MAP3K9: variants seen among roughly 807,000 people sequenced by gnomAD.
MAP3K9 encodes mitogen-activated protein kinase kinase kinase 9.
A neutral mutation model predicts 95.8 loss-of-function variants in MAP3K9; 46 were observed. The observed-to-expected ratio is 0.48, with a 90% CI of 0.38 to 0.61. The LOEUF (loss-of-function observed/expected upper bound fraction) is 0.61. MAP3K9 is among the 20% of genes least tolerant of loss of function. The probability of loss-of-function intolerance (pLI) is 0.00; values close to 1 mark genes in which losing one functional copy is unlikely to be tolerated. For missense variants in MAP3K9, 1,296 were observed against 1,474.3 expected (o/e 0.88, Z 1.98); for synonymous variants, 533 against 593.8 (o/e 0.90, Z 1.49).
At chr14:70,777,013 CAG>C (rs1343521805) in intron 2 of MAP3K9, among the ~76,000 whole-genome samples, 2 of 151,454 alleles carry the variant, frequency 1.3e-5, no homozygotes, top group Non-Finnish European at 2.9e-5. Flanking sequence ...CTATTTTCAG[CAG>C]AGACAGGGTT....
rs2053806130 is a variant in MAP3K9 at position 70,725,334 on chromosome 14, C to T, written c.*5046G>A. ...GGAAATGGATGAGGAAGCGGGTGGA[C>T]ATGACTGTCAATATCTCATCAGGAC... On this transcript the variant is annotated 3_prime_UTR_variant, in exon 12 of 12. Transcript: ENST00000554752. 6.6e-6 allele frequency: 1 copy of T among 152,232 alleles called. No homozygotes were observed. 9.4% of individuals were successfully genotyped at this position (152,232 alleles called of 1,614,324 possible).
intron 2 of MAP3K9, among the ~76,000 whole-genome samples, chr14:70,798,430 A>ACCCC: frequency 3.1e-5 from 1 of 32,556 alleles, no homozygotes; most frequent in Non-Finnish European, 6.8e-5. Flanking sequence ...CAATATAAGC[A>ACCCC]ATCTCTAGGT....
chr14:70,722,885 C>T lies in MAP3K9; in HGVS notation c.*7495G>A, dbSNP rs2053772332. On this transcript the variant is annotated 3_prime_UTR_variant, in exon 12 of 12. Transcript: ENST00000554752. ...GCTAATTACAGAGCAACCAAACAAA[C>T]ACATGTGTGAACTTTCACTTCACCT... 1.3e-5 allele frequency: 2 copies of T among 152,186 alleles called. No individual in the cohort carries two copies. The highest frequency in any genetic ancestry group is 4.8e-5 in the African/African-American group (2 of 41,438). The allele number at this position is 152,186 out of a possible 1,614,324, so 9.4% of individuals were successfully genotyped here.
intron 2 of MAP3K9, among the ~76,000 whole-genome samples, chr14:70,777,022 G>C (rs1387829892): frequency 1.3e-5 from 2 of 151,266 alleles, no homozygotes; most frequent in Non-Finnish European, 2.9e-5. Context: ...GCAGAGACAG[G>C]GTTTCACCTT....
intron 1 of MAP3K9, among the ~76,000 whole-genome samples, chr14:70,806,166 C>T (rs535810208): frequency 2.3e-4 from 35 of 152,280 alleles, no homozygotes; most frequent in African/African-American, 7.9e-4. Flanking sequence ...GTTTGTCAAT[C>T]GTCTTCACTT....
At position 70,733,861 on chromosome 14, in the gene MAP3K9, T is replaced by A. The variant is rs2053948276; in HGVS notation, c.2027-519A>T. The A allele has an allele frequency of 1.3e-5, 9 of 716,182 alleles. No individual in the cohort carries two copies. The East Asian group carries it at 2.4e-4, about 19-fold the overall frequency. The allele number at this position is 716,182 out of a possible 1,614,324, so 44.4% of individuals were successfully genotyped here. A position where few individuals can be genotyped will look rare whatever the true frequency, so the allele number is the denominator to read the frequency against. ...TTGCTGAGCTTCCTCTCTCTGTTTC[T>A]CCCTTCTGGAGAGGGACACTTTTTC... On this transcript the variant is annotated intron_variant, in intron 10 of 11. Transcript: ENST00000554752.
Position 70,734,434 on chromosome 14 carries a change from G to C in MAP3K9, c.1978C>G (p.Pro660Ala). 1 of 1,614,022 alleles carries C rather than the reference G, an allele frequency of 6.2e-7. No individual in the cohort carries two copies. The highest frequency in any genetic ancestry group is 1.1e-5 in the South Asian group (1 of 91,072). The change falls in exon 10 of 12, where the codon CCA becomes GCA. Residue 660 changes from proline (P) to alanine (A), a missense_variant. By Grantham distance (27) the Pro-to-Ala change is conservative. Coordinates refer to ENST00000554752, the MANE Select transcript of MAP3K9 (RefSeq NM_001284230.2). ...CCTGGCAGGGCCGGGCTACTCCTTG[G>C]GCCCTTCACCAGGTTGGGGGCACTG... ...SSSAPNLVKGPRSSPALPGFT... is the reference protein window; with the variant it reads ...SSSAPNLVKGARSSPALPGFT...
chr14:70,776,849 T>G (rs1360950256), intron 2 of MAP3K9, among the ~76,000 whole-genome samples: 1 of 131,278 alleles, frequency 7.6e-6, no homozygotes, highest in Non-Finnish European at 1.6e-5. Flanking sequence ...TTTTTTTTTT[T>G]GAGAGAAGTC....
intron 2 of MAP3K9, among the ~76,000 whole-genome samples, chr14:70,774,977 T>C (rs1456249484): frequency 4.1e-5 from 3 of 72,470 alleles, no homozygotes; most frequent in Non-Finnish European, 6.9e-5. Context: ...AGTGAGACTC[T>C]GTCCCCAAAA....
intron 2 of MAP3K9, among the ~76,000 whole-genome samples, chr14:70,785,223 A>T (rs749221508): frequency 6.6e-6 from 1 of 152,216 alleles, no homozygotes; most frequent in Non-Finnish European, 1.5e-5. Context: ...GGAGTACCTC[A>T]GGTAGATACT....
chr14:70,809,270 C>T lies in MAP3K9; in HGVS notation c.-99G>A, dbSNP rs1036535276. The T allele has an allele frequency of 1.6e-6, 2 of 1,235,626 alleles. No individual in the cohort carries two copies. The highest frequency in any genetic ancestry group is 1.6e-5 in the African/African-American group (1 of 64,144). The allele number at this position is 1,235,626 out of a possible 1,614,324, so 76.5% of individuals were successfully genotyped here. A position where few individuals can be genotyped will look rare whatever the true frequency, so the allele number is the denominator to read the frequency against. ...CCGCAGAGCTGGGAGGACCCCCCCC[C>T]AACGACGGCGGCCGCAGGTAGGGCC... On this transcript the variant is annotated 5_prime_UTR_variant, in exon 1 of 12. Coordinates refer to ENST00000554752, the MANE Select transcript of MAP3K9 (RefSeq NM_001284230.2).
intron 2 of MAP3K9, among the ~76,000 whole-genome samples, chr14:70,781,267 GA>G: frequency 6.6e-6 from 1 of 152,350 alleles, no homozygotes; most frequent in African/African-American, 2.4e-5. Context: ...AGCCCTAAGA[GA>G]GCCATGCTCA....
At chr14:70,796,919 C>T (rs1004622174) in intron 2 of MAP3K9, among the ~76,000 whole-genome samples, 3 of 152,066 alleles carry the variant, frequency 2.0e-5, no homozygotes, top group African/African-American at 2.4e-5. Context: ...CTTGTTTAGC[C>T]GCTGTTATTT....
chr14:70,732,775 C>T lies in MAP3K9; in HGVS notation c.2594G>A (p.Ser865Asn), dbSNP rs1028400714. Residue 865 changes from serine (S) to asparagine (N), a missense_variant, in exon 11 of 12, where the codon AGC becomes AAC. Transcript: ENST00000554752. ...DEIVVYEMPVSPVEAPPLSPC... is the reference protein window; with the variant it reads ...DEIVVYEMPVNPVEAPPLSPC... ...ACTCAGGGGAGGGGCCTCGACTGGG[C>T]TGACTGGCATCTCATACACGACAAT... 5.0e-6 allele frequency: 8 copies of T among 1,613,420 alleles called. No homozygotes were observed. The highest frequency in any genetic ancestry group is 6.8e-6 in the Non-Finnish European group (8 of 1,179,566).
intron 1 of MAP3K9, among the ~76,000 whole-genome samples, chr14:70,805,373 C>T (rs1389406802): frequency 6.6e-6 from 1 of 152,144 alleles, no homozygotes; most frequent in Admixed American, 6.5e-5. Context: ...GTTAGAGAAA[C>T]TTTCATATAA....
At chr14:70,784,856 C>A (rs984917625) in intron 2 of MAP3K9, among the ~76,000 whole-genome samples, 3 of 152,114 alleles carry the variant, frequency 2.0e-5, no homozygotes, top group African/African-American at 7.2e-5. Context: ...CTGGAGGTAC[C>A]AGAGGTCCTG....
chr14:70,757,448 C>A (rs1441464212), intron 3 of MAP3K9, among the ~76,000 whole-genome samples: 6 of 130,826 alleles, frequency 4.6e-5, no homozygotes, highest in African/African-American at 1.8e-4. Context: ...GCAATTGAGA[C>A]CCTGTCCGAA....
intron 2 of MAP3K9, among the ~76,000 whole-genome samples, chr14:70,770,737 G>A (rs746251638): frequency 6.6e-5 from 10 of 152,026 alleles, no homozygotes; most frequent in East Asian, 3.9e-4. Flanking sequence ...TCTGAGTCAC[G>A]CTGCTCAGAT....
intron 9 of MAP3K9, among the ~76,000 whole-genome samples, chr14:70,735,235 C>A (rs1458231991): frequency 2.0e-5 from 3 of 152,108 alleles, no homozygotes; most frequent in African/African-American, 4.8e-5. Flanking sequence ...CCCTGCCAAC[C>A]ACTTTGTAGG....
Sources: gnomAD v4.1 joint callset for allele counts (sites outside exome capture counted in the v4.1 genomes callset) on GRCh38, gnomAD v4.1.1 for gene constraint, MANE v1.5 for transcripts, NCBI Gene and HGNC (gene_info 2026-07-23, HGNC 2026-07-21) for gene names.